Variants in MKLN1 observed in about 807,000 individuals in gnomAD.
MKLN1 encodes muskelin.
Under a neutral mutation model 99.0 loss-of-function variants are expected in MKLN1, and 18 were observed. That is an observed-to-expected ratio of 0.18 (90% CI 0.13 to 0.27). MKLN1 has a LOEUF of 0.27. Ranked by LOEUF, MKLN1 falls within the 10% of genes least tolerant of loss-of-function variation. The pLI is 1.00. For missense variants in MKLN1, 621 were observed against 875.9 expected (o/e 0.71, Z 3.67); for synonymous variants, 288 against 293.2 (o/e 0.98, Z 0.18).
intron 3 of MKLN1, among the ~76,000 whole-genome samples, chr7:131,300,428 C>G (rs1563284121): frequency 6.6e-6 from 1 of 151,624 alleles, no homozygotes; most frequent in Non-Finnish European, 1.5e-5. Flanking sequence ...TGCCTGTAAT[C>G]CCAGCACTTT....
At chr7:131,145,734 A>G (rs1795807200) in intron 2 of MKLN1, among the ~76,000 whole-genome samples, 1 of 152,224 alleles carries the variant, frequency 6.6e-6, no homozygotes, top group Non-Finnish European at 1.5e-5. Context: ...GTAATCCCAA[A>G]TGGCAGATTG....
At chr7:131,273,086 C>T (rs1318756806) in intron 3 of MKLN1, among the ~76,000 whole-genome samples, 1 of 152,078 alleles carries the variant, frequency 6.6e-6, no homozygotes, top group Non-Finnish European at 1.5e-5. Flanking sequence ...AGAGTGAGTC[C>T]CAGAGAAGTT....
chr7:131,204,808 C>A (rs1430928036), intron 3 of MKLN1, among the ~76,000 whole-genome samples: 1 of 152,152 alleles, frequency 6.6e-6, no homozygotes, highest in East Asian at 1.9e-4. Context: ...GTGGCAGGTG[C>A]CTGTAGTCCC....
chr7:131,413,945 C>T (rs1383950264), intron 7 of MKLN1, among the ~76,000 whole-genome samples: 2 of 152,132 alleles, frequency 1.3e-5, no homozygotes, highest in Admixed American at 6.6e-5. Context: ...TGTATTTAAA[C>T]CTGCCTATTA....
chr7:131,254,282 TAAAC>T (rs1563268548), intron 3 of MKLN1, among the ~76,000 whole-genome samples: 2 of 152,044 alleles, frequency 1.3e-5, no homozygotes. Context: ...ACTAAAGAAA[TAAAC>T]AAAAACAGTA....
intron 3 of MKLN1, among the ~76,000 whole-genome samples, chr7:131,249,734 C>A (rs1797548520): frequency 6.6e-6 from 1 of 152,146 alleles, no homozygotes; most frequent in South Asian, 2.1e-4. Context: ...CAGTGCCCAG[C>A]CACAGAGACT....
At chr7:131,291,267 A>G (rs1449573905) in intron 3 of MKLN1, among the ~76,000 whole-genome samples, 2 of 151,652 alleles carry the variant, frequency 1.3e-5, no homozygotes, top group African/African-American at 2.4e-5. Context: ...AGTAGCTGGG[A>G]TTACAGGCAT....
chr7:131,484,411 G>C (rs914138612), intron 17 of MKLN1, among the ~76,000 whole-genome samples: 1 of 152,110 alleles, frequency 6.6e-6, no homozygotes, highest in Admixed American at 6.6e-5. Flanking sequence ...AAAAGAGGTA[G>C]ATGAAGAACA....
chr7:131,175,808 G>A (rs530890053), intron 2 of MKLN1, among the ~76,000 whole-genome samples: 2 of 152,268 alleles, frequency 1.3e-5, no homozygotes, highest in East Asian at 1.9e-4. Context: ...GCTGAGGCAG[G>A]AGAATTGCTT....
intron 1 of MKLN1, among the ~76,000 whole-genome samples, chr7:131,132,031 T>C (rs975031970): frequency 1.3e-5 from 2 of 152,206 alleles, no homozygotes; most frequent in African/African-American, 4.8e-5. Context: ...CCTAAACCTT[T>C]CCACTTTTTA....
At chr7:131,269,902 T>C (rs930116542) in intron 3 of MKLN1, among the ~76,000 whole-genome samples, 6 of 152,042 alleles carry the variant, frequency 3.9e-5, no homozygotes, top group Non-Finnish European at 8.8e-5. Flanking sequence ...AACTTTTCTT[T>C]TCTTTTTCTT....
At chr7:131,279,485 C>T (rs564541323) in intron 3 of MKLN1, among the ~76,000 whole-genome samples, 56 of 152,218 alleles carry the variant, frequency 3.7e-4, no homozygotes, top group Admixed American at 7.9e-4. Context: ...ATCTATTTCA[C>T]ATACCATAAA....
At chr7:131,214,773 G>T (rs1796954945) in intron 3 of MKLN1, among the ~76,000 whole-genome samples, 1 of 151,976 alleles carries the variant, frequency 6.6e-6, no homozygotes, top group African/African-American at 2.4e-5. Flanking sequence ...TTTCAAATTG[G>T]GTTTGCATTG....
intron 1 of MKLN1, among the ~76,000 whole-genome samples, chr7:131,358,383 C>T (rs1395773943): frequency 1.3e-5 from 2 of 151,938 alleles, no homozygotes; most frequent in African/African-American, 4.8e-5. Context: ...GTAATAAGTA[C>T]GTTTTATTGT....
At chr7:131,242,930 G>A (rs764022703) in intron 3 of MKLN1, 1 of 647,630 alleles carries the variant, frequency 1.5e-6, no homozygotes. Flanking sequence ...CCCGATGAGA[G>A]GCCAAGGTCA....
intron 15 of MKLN1, among the ~76,000 whole-genome samples, chr7:131,466,847 C>G (rs1038470351): frequency 1.3e-5 from 2 of 152,090 alleles, no homozygotes; most frequent in African/African-American, 4.8e-5. Flanking sequence ...AGTTTTATGT[C>G]ACCTTTATTA....
At position 131,468,200 on chromosome 7, in the gene MKLN1, G is replaced by A. The variant is rs959474430; in HGVS notation, c.1928+1785G>A. On this transcript the variant is annotated intron_variant, in intron 15 of 17. Coordinates refer to ENST00000352689, the MANE Select transcript of MKLN1 (RefSeq NM_013255.5). Reference sequence around the variant, plus strand: ...TGGGTATGAGAGAAAGAAAGCAGTCGAGGATGACTCTTAGGGCATCTTGAA... The same window carrying A: ...TGGGTATGAGAGAAAGAAAGCAGTCAAGGATGACTCTTAGGGCATCTTGAA... Among the ~76,000 whole-genome samples the A allele has an allele frequency of 2.6e-5, 4 of 152,188 alleles. No individual in the cohort carries two copies. In the South Asian group the frequency reaches 6.2e-4, roughly 24 times the overall value.
chr7:131,399,885 T>C (rs1200780816), intron 6 of MKLN1, among the ~76,000 whole-genome samples: 1 of 152,224 alleles, frequency 6.6e-6, no homozygotes, highest in Non-Finnish European at 1.5e-5. Flanking sequence ...ATATAATTGC[T>C]GATTTTCTTG....
chr7:131,281,719 T>TC, intron 3 of MKLN1, among the ~76,000 whole-genome samples: 1 of 151,978 alleles, frequency 6.6e-6, no homozygotes. Flanking sequence ...TCTTGCTCTG[T>TC]CACCCAGGGT....
Sources: gnomAD v4.1 joint callset for allele counts (sites outside exome capture counted in the v4.1 genomes callset) on GRCh38, gnomAD v4.1.1 for gene constraint, MANE v1.5 for transcripts, NCBI Gene and HGNC (gene_info 2026-07-23, HGNC 2026-07-21) for gene names.